FAM13B: variants seen among roughly 807,000 people sequenced by gnomAD.
FAM13B encodes the protein family with sequence similarity 13 member B.
Under a neutral mutation model 117.3 loss-of-function variants are expected in FAM13B, and 60 were observed. The ratio of observed to expected loss-of-function variants is 0.51; its 90% CI spans 0.42 to 0.63. The LOEUF (loss-of-function observed/expected upper bound fraction) is 0.63. FAM13B is among the 30% of genes least tolerant of loss of function. The pLI is 0.00. For missense variants in FAM13B, 972 were observed against 1,091.9 expected (o/e 0.89, Z 1.55); for synonymous variants, 332 against 356.1 (o/e 0.93, Z 0.76).
Position 137,939,985 on chromosome 5 carries a change from CAT to C in FAM13B, c.*238_*239del, listed in dbSNP as rs966757137. 22 of 1,563,870 alleles carry C rather than the reference CAT, an allele frequency of 1.4e-5. No homozygotes were observed. Among genetic ancestry groups the C allele is most frequent in the South Asian group, 2.4e-5 (2 of 82,646 alleles). On this transcript the variant is annotated 3_prime_UTR_variant, in exon 24 of 24. Coordinates refer to ENST00000689681, the MANE Select transcript of FAM13B (RefSeq NM_001385994.1). ...TGTAGTACAAAACAATGAAGTAAAC[CAT>C]ATGTTTGCTAAAGGTGGAGAGGACA...
chr5:137,984,895 G>C (rs917242760), intron 10 of FAM13B, among the ~76,000 whole-genome samples: 1 of 151,130 alleles, frequency 6.6e-6, no homozygotes, highest in African/African-American at 2.4e-5. Context: ...CAGCCTCCCC[G>C]GTAGCTGGGA....
At chr5:137,964,946 C>T (rs1158464669) in intron 10 of FAM13B, among the ~76,000 whole-genome samples, 1 of 152,052 alleles carries the variant, frequency 6.6e-6, no homozygotes, top group East Asian at 1.9e-4. Context: ...GCGGATGGAT[C>T]ACTTGAGGTC....
intron 1 of FAM13B, among the ~76,000 whole-genome samples, chr5:138,028,221 A>C (rs1270472839): frequency 6.6e-6 from 1 of 152,216 alleles, no homozygotes; most frequent in Non-Finnish European, 1.5e-5. Flanking sequence ...TAAAAAATAA[A>C]ACCAAAAAAA....
At position 137,941,126 on chromosome 5, in the gene FAM13B, T is replaced by C. The variant is rs182541668; in HGVS notation, c.2691-778A>G. On this transcript the variant is annotated intron_variant, in intron 23 of 23. Coordinates refer to ENST00000689681, the MANE Select transcript of FAM13B (RefSeq NM_001385994.1). ...GGTTTCACTGTGTTAGCCAGGATGG[T>C]CTTGATCTCCTGACCTCGTGATCCA... is the stretch of plus-strand genomic sequence containing the variant. 4.3e-3 allele frequency among the ~76,000 whole-genome samples: 658 copies of C among 152,178 alleles called. 6 individuals are homozygous for C. Among genetic ancestry groups the C allele is most frequent in the African/African-American group, 0.015 (631 of 41,516 alleles).
chr5:137,940,459 G>T, intron 23 of FAM13B, 111 bp from the exon 24 acceptor site: 40 of 557,370 alleles, frequency 7.2e-5, no homozygotes, highest in Non-Finnish European at 9.4e-5. Context: ...CAAATAAAAA[G>T]TTGTTCTGTT....
At chr5:138,005,160 C>T (rs1449516557) in intron 7 of FAM13B, among the ~76,000 whole-genome samples, 1 of 152,086 alleles carries the variant, frequency 6.6e-6, no homozygotes, top group Non-Finnish European at 1.5e-5. Context: ...TCACTTGAAC[C>T]CGGGAGACAG....
intron 18 of FAM13B, 133 bp from the exon 19 acceptor site, chr5:137,946,444 G>A: frequency 1.6e-6 from 1 of 607,022 alleles, no homozygotes; most frequent in Non-Finnish European, 2.8e-6. Context: ...ACGATCAACA[G>A]TCTAGCCCAG....
intron 10 of FAM13B, among the ~76,000 whole-genome samples, chr5:137,965,178 T>A (rs10038415): frequency 6.6e-6 from 1 of 151,804 alleles, no homozygotes; most frequent in Non-Finnish European, 1.5e-5. Flanking sequence ...CAAAAAAATA[T>A]AAAATATATA....
chr5:138,024,344 G>C (rs1183072638), intron 1 of FAM13B, among the ~76,000 whole-genome samples: 1 of 151,982 alleles, frequency 6.6e-6, no homozygotes, highest in Non-Finnish European at 1.5e-5. Context: ...TGAAGACAGG[G>C]AGAAACTGGA....
At chr5:137,985,163 A>G in intron 10 of FAM13B, 94 bp downstream of exon 10, 1 of 1,220,950 alleles carries the variant, frequency 8.2e-7, no homozygotes, top group South Asian at 1.4e-5. Context: ...AATTAAGTGT[A>G]TCAGCAAAAT....
intron 10 of FAM13B, among the ~76,000 whole-genome samples, chr5:137,981,805 C>T (rs917581028): frequency 1.1e-4 from 16 of 149,414 alleles, no homozygotes; most frequent in African/African-American, 3.7e-4. Context: ...AAAAAAAGTG[C>T]GGCGGAATGC....
chr5:137,989,532 A>C (rs1433410713), intron 7 of FAM13B, among the ~76,000 whole-genome samples: 1 of 152,192 alleles, frequency 6.6e-6, no homozygotes, highest in East Asian at 1.9e-4. Context: ...TTCACACTTA[A>C]AGATTTTTCT....
chr5:137,945,411 C>A (rs1440836446), intron 20 of FAM13B, among the ~76,000 whole-genome samples: 1 of 152,134 alleles, frequency 6.6e-6, no homozygotes, highest in Non-Finnish European at 1.5e-5. Context: ...TAAGTGACTT[C>A]TTCTCATTAA....
chr5:137,969,625 C>A (rs1445695888), intron 10 of FAM13B, among the ~76,000 whole-genome samples: 1 of 152,132 alleles, frequency 6.6e-6, no homozygotes, highest in Admixed American at 6.5e-5. Flanking sequence ...ACTTTGACGA[C>A]CTGAGAGAAG....
chr5:137,951,217 A>C (rs1764902293), intron 17 of FAM13B, among the ~76,000 whole-genome samples: 2 of 150,054 alleles, frequency 1.3e-5, no homozygotes, highest in African/African-American at 4.9e-5. Context: ...AACAAAAAAA[A>C]AAAAAAAAAA....
chr5:138,040,262 CAAAAAAAAAAAAA>C (rs3032825), intron 1 of FAM13B, among the ~76,000 whole-genome samples: 1 of 25,226 alleles, frequency 4.0e-5, no homozygotes, highest in Non-Finnish European at 6.8e-5. Flanking sequence ...GACTCTGTCT[CAAAAAAAAAAAAA>C]AAAAAAAAAA....
At chr5:138,013,641 C>T (rs1314883835) in intron 4 of FAM13B, among the ~76,000 whole-genome samples, 1 of 152,152 alleles carries the variant, frequency 6.6e-6, no homozygotes, top group Non-Finnish European at 1.5e-5. Context: ...ACCAGTACTT[C>T]AATTTTAAAA....
chr5:138,034,814 T>A (rs1328179400), upstream of FAM13B, among the ~76,000 whole-genome samples: 1 of 152,002 alleles, frequency 6.6e-6, no homozygotes, highest in Admixed American at 6.6e-5. Flanking sequence ...TATGATTGCT[T>A]CAAAAGCTTT....
chr5:138,032,246 A>C (rs1581314346), intron 1 of FAM13B, among the ~76,000 whole-genome samples: 1 of 152,196 alleles, frequency 6.6e-6, no homozygotes, highest in Admixed American at 6.5e-5. Flanking sequence ...CATTCTAGAC[A>C]AGGCCCCAGT....
Sources: allele counts gnomAD v4.1 joint callset (sites outside exome capture counted in the v4.1 genomes callset), GRCh38; gene constraint gnomAD v4.1.1; transcripts MANE v1.5; gene names NCBI Gene and HGNC (gene_info 2026-07-23, HGNC 2026-07-21).